Variants in GRIP1 observed in about 807,000 individuals in gnomAD.
The protein encoded by GRIP1 is glutamate receptor interacting protein 1, also known as glutamate receptor-interacting protein 1.
In GRIP1, 45 loss-of-function variants were observed where a neutral mutation model predicts 129.9. The observed-to-expected ratio is 0.35, with a 90% CI of 0.27 to 0.44. The LOEUF is 0.44. GRIP1 is among the 20% of genes least tolerant of loss of function. The pLI, the probability that GRIP1 is intolerant of heterozygous loss-of-function variation, is 1.00. For synonymous variants in GRIP1, 530 were observed against 520.8 expected (o/e 1.02, Z -0.24); for missense variants, 1,196 against 1,396.8 (o/e 0.86, Z 2.29).
intron 2 of GRIP1, among the ~76,000 whole-genome samples, chr12:66,554,924 G>A (rs1407979695): frequency 6.6e-6 from 1 of 152,170 alleles, no homozygotes; most frequent in African/African-American, 2.4e-5. Context: ...CCAGGACCTG[G>A]CTCCTGAATG....
chr12:66,835,970 A>T (rs1407721508), intron 1 of GRIP1, among the ~76,000 whole-genome samples: 1 of 151,986 alleles, frequency 6.6e-6, no homozygotes, highest in Non-Finnish European at 1.5e-5. Context: ...GTATAGGGGG[A>T]GGGAACATAT....
intron 1 of GRIP1, among the ~76,000 whole-genome samples, chr12:67,057,436 T>TAAAAAA (rs71088237): frequency 7.9e-6 from 1 of 126,818 alleles, no homozygotes. Context: ...TCCAAGAACG[T>TAAAAAA]AAAAAAAAAA....
Position 66,752,992 on chromosome 12 carries a change from G to A in GRIP1, c.-420+51061C>T, listed in dbSNP as rs1425420720. Among the ~76,000 whole-genome samples, 24 of 152,250 alleles carry A rather than the reference G, an allele frequency of 1.6e-4. 1 individual carries two copies. The highest frequency in any genetic ancestry group is 1.9e-4 in the Non-Finnish European group (13 of 68,004). On this transcript the variant is annotated intron_variant, in intron 1 of 4. Transcript: ENST00000538373. ...CTCAAACGCTAGCGGAAACTTCTCA[G>A]TAGGGCATTTAAGATCTTCTATAAT... is the stretch of plus-strand genomic sequence containing the variant.
chr12:66,805,298 T>C (rs1465927206), upstream of GRIP1, among the ~76,000 whole-genome samples: 1 of 152,204 alleles, frequency 6.6e-6, no homozygotes, highest in Non-Finnish European at 1.5e-5. Context: ...TAAAAAATTA[T>C]TTTTAAGAAC....
In GRIP1 at chr12:66,439,602, G is replaced by A. The variant is rs1331322060; in HGVS notation, c.1687+4982C>T. Reference sequence around the variant, plus strand: ...AATTCCAGCCTACCATCAACTATGTGTGCCTCAATTTTCTGAGGACATAAT... The same window carrying A: ...AATTCCAGCCTACCATCAACTATGTATGCCTCAATTTTCTGAGGACATAAT... On this transcript the variant is annotated intron_variant, in intron 13 of 24. Coordinates refer to ENST00000359742, the MANE Select transcript of GRIP1 (RefSeq NM_001366722.1). Among the ~76,000 whole-genome samples, 3 of 152,142 alleles carry A rather than the reference G, an allele frequency of 2.0e-5. No individual in the cohort carries two copies. In the East Asian group the frequency reaches 5.8e-4, roughly 29 times the overall value.
chr12:66,637,574 GTT>G (rs34630743), intron 1 of GRIP1, among the ~76,000 whole-genome samples: 235 of 150,916 alleles, frequency 1.6e-3, no homozygotes, highest in African/African-American at 5.4e-3. Flanking sequence ...ATTTTTGTAT[GTT>G]TTTTTTTAAA....
chr12:67,006,262 C>A (rs149068842), intron 1 of GRIP1, among the ~76,000 whole-genome samples: 1 of 151,976 alleles, frequency 6.6e-6, no homozygotes, highest in African/African-American at 2.4e-5. Flanking sequence ...TGCTAGGCAC[C>A]AACATTAAAC....
At chr12:66,729,638 A>C (rs762228026) in intron 1 of GRIP1, among the ~76,000 whole-genome samples, 1 of 152,086 alleles carries the variant, frequency 6.6e-6, no homozygotes, top group Non-Finnish European at 1.5e-5. Context: ...CAGTGGTGCG[A>C]TCTCGGCTTA....
chr12:66,828,415 CAAT>C (rs1215498213), intron 1 of GRIP1, among the ~76,000 whole-genome samples: 4 of 152,186 alleles, frequency 2.6e-5, no homozygotes, highest in African/African-American at 9.6e-5. Flanking sequence ...TACAGTACTT[CAAT>C]AATATGATTT....
intron 2 of GRIP1, among the ~76,000 whole-genome samples, chr12:66,587,019 A>T (rs1180694609): frequency 2.0e-5 from 3 of 152,216 alleles, no homozygotes; most frequent in Admixed American, 1.3e-4. Flanking sequence ...GCTCTACAGG[A>T]CACAGCCTTG....
At chr12:66,957,417 AATATAT>A (rs60559996) in intron 1 of GRIP1, among the ~76,000 whole-genome samples, 2 of 147,480 alleles carry the variant, frequency 1.4e-5, no homozygotes, top group Middle Eastern at 3.6e-3. Context: ...GCTTTAATCT[AATATAT>A]ATATATATAT....
chr12:66,698,592 AT>A (rs2035244384), intron 1 of GRIP1, among the ~76,000 whole-genome samples: 1 of 152,048 alleles, frequency 6.6e-6, no homozygotes, highest in Non-Finnish European at 1.5e-5. Flanking sequence ...CGGCAGAGTT[AT>A]TTTCTCTTTT....
intron 7 of GRIP1, among the ~76,000 whole-genome samples, chr12:66,497,184 T>C (rs904157037): frequency 2.0e-5 from 3 of 152,188 alleles, no homozygotes; most frequent in Admixed American, 6.5e-5. Context: ...TGGTACTTAT[T>C]GTCTAATGAA....
upstream of GRIP1, among the ~76,000 whole-genome samples, chr12:66,805,535 C>G (rs953024628): frequency 6.6e-6 from 1 of 152,096 alleles, no homozygotes; most frequent in Non-Finnish European, 1.5e-5. Context: ...GCTCCATGTT[C>G]CCAGAAATAT....
At chr12:66,922,149 T>G (rs2041223594) in intron 1 of GRIP1, among the ~76,000 whole-genome samples, 1 of 152,210 alleles carries the variant, frequency 6.6e-6, no homozygotes. Context: ...AAATTCTCTT[T>G]GGGAAAGAAT....
chr12:66,605,092 T>C (rs1242644673), intron 1 of GRIP1, among the ~76,000 whole-genome samples: 2 of 150,772 alleles, frequency 1.3e-5, no homozygotes, highest in African/African-American at 2.4e-5. Flanking sequence ...CAATTTGGAC[T>C]GCAGTAAATT....
At chr12:66,775,735 T>G (rs1234487036) in intron 1 of GRIP1, among the ~76,000 whole-genome samples, 6 of 151,844 alleles carry the variant, frequency 4.0e-5, no homozygotes, top group Admixed American at 6.6e-5. Context: ...TGGTATAAAA[T>G]AAAAAGCAGA....
At chr12:66,431,781 A>G (rs1228815627) in intron 14 of GRIP1, among the ~76,000 whole-genome samples, 2 of 152,150 alleles carry the variant, frequency 1.3e-5, no homozygotes, top group Non-Finnish European at 2.9e-5. Flanking sequence ...AAAACCCTCA[A>G]TTTCCATTCT....
Position 66,451,383 on chromosome 12 carries a change from GTTTTTTTTTTTTTTTTTTTTTTT to G in GRIP1, c.1354+4003_1354+4025del, listed in dbSNP as rs1169331519. 2.6e-4 allele frequency among the ~76,000 whole-genome samples: 11 copies of G among 42,656 alleles called. No homozygotes were observed. In the East Asian group the frequency reaches 6.0e-3, roughly 23 times the overall value. 28.0% of individuals were successfully genotyped at this position (42,656 alleles called of 152,430 possible). A position where few individuals can be genotyped will look rare whatever the true frequency, so the allele number is the denominator to read the frequency against. On this transcript the variant is annotated intron_variant, in intron 11 of 24. Transcript: ENST00000359742. Reference sequence around the variant, plus strand: ...CCCCAAAGATTTATTATTATAATCTGTTTTTTTTTTTTTTTTTTTTTTTTTTTTTTTTTTTTTTCAGATAGGCT... The same window carrying G: ...CCCCAAAGATTTATTATTATAATCTGTTTTTTTTTTTTTTTCAGATAGGCT...
Sources: allele counts gnomAD v4.1 joint callset (sites outside exome capture counted in the v4.1 genomes callset), GRCh38; gene constraint gnomAD v4.1.1; transcripts MANE v1.5; gene names NCBI Gene and HGNC (gene_info 2026-07-23, HGNC 2026-07-21).